PUM1: variants seen among roughly 807,000 people sequenced by gnomAD.
PUM1 encodes pumilio homolog 1.
PUM1 carries 13 observed loss-of-function variants against 131.8 expected under a neutral mutation model. The ratio of observed to expected loss-of-function variants is 0.10; its 90% CI spans 0.06 to 0.16. The LOEUF (loss-of-function observed/expected upper bound fraction) is 0.16. Ranked by LOEUF, PUM1 falls within the 10% of genes least tolerant of loss-of-function variation. The probability of loss-of-function intolerance (pLI) is 1.00; values close to 1 mark genes in which losing one functional copy is unlikely to be tolerated. For synonymous variants in PUM1, 509 were observed against 556.5 expected (o/e 0.91, Z 1.20); for missense variants, 961 against 1,512.4 (o/e 0.64, Z 6.05).
intron 2 of PUM1, among the ~76,000 whole-genome samples, chr1:31,047,168 G>A (rs1202586653): frequency 6.6e-6 from 1 of 152,046 alleles, no homozygotes; most frequent in Admixed American, 6.6e-5. Flanking sequence ...CAGCCTAGGC[G>A]ACAGATAGAG....
At chr1:31,014,790 G>GAAA (rs758812891) in intron 3 of PUM1, among the ~76,000 whole-genome samples, 2 of 132,606 alleles carry the variant, frequency 1.5e-5, no homozygotes. Context: ...CTGTGTCTCA[G>GAAA]AAAAAAAAAA....
rs763485283 is a variant in PUM1, at chr1:30,952,321, G to A, written c.2634C>T (p.Arg878=). The A allele has an allele frequency of 6.2e-7, 1 of 1,613,150 alleles. No homozygotes were observed. Among genetic ancestry groups the A allele is most frequent in the Non-Finnish European group, 8.5e-7 (1 of 1,179,096 alleles). ...LKLERATPAE[R]QLVFNEILQA... The stretch of plus-strand genomic sequence containing the variant: ...GGAGGATTTCATTGAAGACAAGCTG[G>A]CGCTCAGCTGGTGTGGCACGCTCCA... The change falls in exon 16 of 22, where the codon CGC becomes CGT. Residue 878 remains arginine, a synonymous_variant. Transcript: ENST00000426105.
chr1:30,959,120 A>C (rs1640298599), intron 14 of PUM1, among the ~76,000 whole-genome samples: 1 of 152,248 alleles, frequency 6.6e-6, no homozygotes, highest in Non-Finnish European at 1.5e-5. Context: ...GATGTAAAGA[A>C]ATGGGTTAAG....
At chr1:30,969,949 C>T (rs1299309102) in intron 10 of PUM1, among the ~76,000 whole-genome samples, 2 of 152,158 alleles carry the variant, frequency 1.3e-5, no homozygotes, top group Admixed American at 1.3e-4. Context: ...AAGTGTGAAG[C>T]CACTGAGCCC....
At chr1:30,957,231 G>A (rs1640206536) in intron 14 of PUM1, among the ~76,000 whole-genome samples, 1 of 152,088 alleles carries the variant, frequency 6.6e-6, no homozygotes, top group South Asian at 2.1e-4. Flanking sequence ...TTTTGTTTGA[G>A]CCAAGCAGTA....
chr1:30,960,191 A>T (rs1295017649), intron 14 of PUM1, among the ~76,000 whole-genome samples: 1 of 152,210 alleles, frequency 6.6e-6, no homozygotes, highest in Non-Finnish European at 1.5e-5. Flanking sequence ...AGTGTTTCAG[A>T]TTTCAAAGTC....
At chr1:31,044,657 AC>A (rs887801291) in intron 2 of PUM1, among the ~76,000 whole-genome samples, 1 of 152,218 alleles carries the variant, frequency 6.6e-6, no homozygotes, top group Non-Finnish European at 1.5e-5. Flanking sequence ...CAATGAATAC[AC>A]TAAAAACTAA....
intron 3 of PUM1, among the ~76,000 whole-genome samples, chr1:31,012,324 G>C (rs1266669969): frequency 6.6e-6 from 1 of 151,782 alleles, no homozygotes; most frequent in African/African-American, 2.4e-5. Flanking sequence ...AGTAATAACA[G>C]TCCATTTCAA....
At chr1:31,050,934 T>A in intron 2 of PUM1, 1 of 239,000 alleles carries the variant, frequency 4.2e-6, no homozygotes, top group Non-Finnish European at 8.9e-6. Flanking sequence ...CTCTCTCTTG[T>A]TGCGTATGCT....
intron 12 of PUM1, among the ~76,000 whole-genome samples, chr1:30,966,741 T>C (rs962229934): frequency 3.3e-5 from 5 of 152,206 alleles, no homozygotes; most frequent in South Asian, 2.1e-4. Flanking sequence ...TAAAAAACTA[T>C]TACTCCTCCC....
chr1:30,985,903 T>C (rs925645388), intron 7 of PUM1, among the ~76,000 whole-genome samples: 1 of 152,036 alleles, frequency 6.6e-6, no homozygotes, highest in Non-Finnish European at 1.5e-5. Flanking sequence ...ACCAAAATAA[T>C]AGCTATCTGC....
At chr1:30,980,658 T>C (rs1641321462) in intron 8 of PUM1, among the ~76,000 whole-genome samples, 1 of 152,148 alleles carries the variant, frequency 6.6e-6, no homozygotes, top group Admixed American at 6.5e-5. Context: ...TATTCTTCTA[T>C]AGCCTATCAC....
intron 10 of PUM1, among the ~76,000 whole-genome samples, chr1:30,971,066 AT>A (rs1344834818): frequency 1.3e-5 from 2 of 152,224 alleles, no homozygotes; most frequent in African/African-American, 4.8e-5. Context: ...ATATATTTTC[AT>A]TTCATCAATA....
chr1:31,032,692 A>T (rs1643474203), intron 2 of PUM1, among the ~76,000 whole-genome samples: 1 of 152,202 alleles, frequency 6.6e-6, no homozygotes. Flanking sequence ...CTGTAGTCCC[A>T]GCTACTCATG....
At chr1:31,000,509 C>T (rs1642169493) in intron 5 of PUM1, among the ~76,000 whole-genome samples, 1 of 152,234 alleles carries the variant, frequency 6.6e-6, no homozygotes, top group South Asian at 2.1e-4. Context: ...TTGTTGAGGT[C>T]AGAATCCATG....
intron 3 of PUM1, among the ~76,000 whole-genome samples, chr1:31,014,271 A>G (rs966547083): frequency 6.2e-5 from 9 of 144,600 alleles, no homozygotes; most frequent in African/African-American, 2.3e-4. Context: ...ACTGCACTCT[A>G]GCCTGGGCAA....
chr1:30,990,938 G>A (rs543826972), intron 7 of PUM1, among the ~76,000 whole-genome samples: 1 of 152,208 alleles, frequency 6.6e-6, no homozygotes, highest in East Asian at 1.9e-4. Flanking sequence ...CTACTTGTGG[G>A]TACATAGAAG....
chr1:30,936,513 G>A, intron 21 of PUM1, 130 bp downstream of exon 21: 1 of 926,270 alleles, frequency 1.1e-6, no homozygotes. Flanking sequence ...AAGAAAAACA[G>A]AACACAGCAT....
intron 17 of PUM1, among the ~76,000 whole-genome samples, chr1:30,947,358 C>T (rs922042529): frequency 2.4e-4 from 36 of 152,320 alleles, no homozygotes; most frequent in Middle Eastern, 3.4e-3. Flanking sequence ...GCTGTGACTC[C>T]AACACCTATG....
Sources: allele counts gnomAD v4.1 joint callset (sites outside exome capture counted in the v4.1 genomes callset), GRCh38; gene constraint gnomAD v4.1.1; transcripts MANE v1.5; gene names NCBI Gene and HGNC (gene_info 2026-07-23, HGNC 2026-07-21).